The following NRXN1 variants were observed in gnomAD, a reference collection of about 807,000 sequenced individuals.
NRXN1 encodes the protein neurexin-1.
Under a neutral mutation model 150.9 loss-of-function variants are expected in NRXN1, and 39 were observed. The ratio of observed to expected loss-of-function variants is 0.26; its 90% CI spans 0.20 to 0.34. The LOEUF is 0.34. Among genes scored for constraint, NRXN1 ranks in the 10% least tolerant of loss-of-function variants. The pLI, the probability that NRXN1 is intolerant of heterozygous loss-of-function variation, is 1.00. For missense variants in NRXN1, 1,815 were observed against 1,949.9 expected, an observed-to-expected ratio of 0.93 and a Z score of 1.30; for synonymous variants, 924 against 757.0, an observed-to-expected ratio of 1.22 and a Z score of -3.62.
intron 15 of NRXN1, among the ~76,000 whole-genome samples, chr2:50,475,011 T>C (rs972071527): frequency 6.6e-6 from 1 of 152,012 alleles, no homozygotes; most frequent in Non-Finnish European, 1.5e-5. Flanking sequence ...GTTACATTTC[T>C]TGTACATCAG....
intron 12 of NRXN1, among the ~76,000 whole-genome samples, chr2:50,528,316 T>C (rs878888110): frequency 2.0e-5 from 3 of 152,106 alleles, no homozygotes; most frequent in Admixed American, 1.3e-4. Context: ...TATTTGGTTA[T>C]GAAGAGAACA....
intron 18 of NRXN1, among the ~76,000 whole-genome samples, chr2:50,111,738 A>G (rs1450134257): frequency 2.6e-5 from 4 of 152,192 alleles, no homozygotes; most frequent in African/African-American, 9.6e-5. Context: ...TTGAATATTT[A>G]AAAACAGTTA....
chr2:50,254,296 A>G (rs1245018671), intron 17 of NRXN1, among the ~76,000 whole-genome samples: 1 of 118,992 alleles, frequency 8.4e-6, no homozygotes, highest in African/African-American at 3.2e-5. Context: ...CAATTTGATT[A>G]TTTTCTCTTT....
At position 50,367,461 on chromosome 2, in the gene NRXN1, T is replaced by C. The variant is rs550432313; in HGVS notation, c.3364+97981A>G. ...TCCACTTAATTATCAATATATCAAATTATTTATTTATCTAGCAAATATTTA... is the reference window on the plus strand; with the variant it reads ...TCCACTTAATTATCAATATATCAAACTATTTATTTATCTAGCAAATATTTA... On this transcript the variant is annotated intron_variant, in intron 17 of 22. Coordinates refer to ENST00000401669, the MANE Select transcript of NRXN1 (RefSeq NM_001330078.2). Among the ~76,000 whole-genome samples, 21 of 152,106 alleles carry C rather than the reference T, an allele frequency of 1.4e-4. No individual in the cohort carries two copies. In the East Asian group the frequency reaches 4.1e-3, roughly 29 times the overall value.
At chr2:50,456,402 C>A (rs989611007) in intron 17 of NRXN1, among the ~76,000 whole-genome samples, 3 of 152,168 alleles carry the variant, frequency 2.0e-5, no homozygotes, top group Admixed American at 6.6e-5. Context: ...CACCTTTGTG[C>A]TTTATGCTGC....
At position 50,991,231 on chromosome 2, in the gene NRXN1, T is replaced by C. The variant is rs1366831736; in HGVS notation, c.772+36271A>G. On this transcript the variant is annotated intron_variant, in intron 2 of 22. Transcript: ENST00000401669. ...GTTCTTAGCTCACACATCTAATGAATATTATAATAAGACAAACCAAAATAT... is the reference window on the plus strand; with the variant it reads ...GTTCTTAGCTCACACATCTAATGAACATTATAATAAGACAAACCAAAATAT... Among the ~76,000 whole-genome samples, 2 of 152,030 alleles carry C rather than the reference T, an allele frequency of 1.3e-5. 1 individual carries two copies. Among genetic ancestry groups the C allele is most frequent in the Non-Finnish European group, 2.9e-5 (2 of 67,986 alleles).
rs1443428324 is a variant in NRXN1 at position 50,191,009 on chromosome 2, A to G, written c.3546+45780T>C. Reference sequence around the variant, plus strand: ...TCACAGAAAGTTGTGAAAATGTACCAGAAATTCTTGTGTGTCCTTCACTCA... The same window carrying G: ...TCACAGAAAGTTGTGAAAATGTACCGGAAATTCTTGTGTGTCCTTCACTCA... On this transcript the variant is annotated intron_variant, in intron 18 of 22. Coordinates refer to ENST00000401669, the MANE Select transcript of NRXN1 (RefSeq NM_001330078.2). 4.6e-5 allele frequency among the ~76,000 whole-genome samples: 7 copies of G among 152,058 alleles called. No individual in the cohort carries two copies. The East Asian group carries it at 1.4e-3, about 30-fold the overall frequency.
intron 5 of NRXN1, among the ~76,000 whole-genome samples, chr2:50,639,224 T>TTCTTTCTTTC (rs777137040): frequency 3.3e-5 from 1 of 30,492 alleles, no homozygotes; most frequent in Non-Finnish European, 7.6e-5. Flanking sequence ...CTTTCTTTCT[T>TTCTTTCTTTC]TTTTTTTTTT....
intron 17 of NRXN1, among the ~76,000 whole-genome samples, chr2:50,395,582 C>T (rs1370389519): frequency 6.6e-6 from 1 of 152,022 alleles, no homozygotes; most frequent in Admixed American, 6.6e-5. Context: ...TACGCAACTA[C>T]CATTTCCTTG....
chr2:51,008,444 T>G (rs577994409), intron 2 of NRXN1, among the ~76,000 whole-genome samples: 7 of 151,842 alleles, frequency 4.6e-5, no homozygotes, highest in Non-Finnish European at 1.0e-4. Context: ...CAGGAATTTG[T>G]TTTCCTAAAT....
chr2:50,259,111 A>T (rs1024761343), intron 17 of NRXN1, among the ~76,000 whole-genome samples: 12 of 151,970 alleles, frequency 7.9e-5, no homozygotes, highest in Non-Finnish European at 1.0e-4. Context: ...CCTAAAAGAG[A>T]GTCAGCCTGT....
At chr2:50,289,508 G>T (rs1336416073) in intron 17 of NRXN1, among the ~76,000 whole-genome samples, 1 of 152,042 alleles carries the variant, frequency 6.6e-6, no homozygotes, top group African/African-American at 2.4e-5. Flanking sequence ...GACAGAAAAG[G>T]TACCTTAATA....
At chr2:49,977,217 T>C (rs899909140) in intron 21 of NRXN1, among the ~76,000 whole-genome samples, 1 of 151,934 alleles carries the variant, frequency 6.6e-6, no homozygotes, top group Non-Finnish European at 1.5e-5. Flanking sequence ...AATTTAAGGG[T>C]TTTGGGGTTT....
At chr2:49,998,153 G>A (rs567305110) in intron 21 of NRXN1, among the ~76,000 whole-genome samples, 1 of 152,218 alleles carries the variant, frequency 6.6e-6, no homozygotes, top group East Asian at 1.9e-4. Context: ...TCAAAAATAT[G>A]AGTTAAGGGA....
chr2:50,454,380 G>A (rs938025678), intron 17 of NRXN1, among the ~76,000 whole-genome samples: 1 of 151,772 alleles, frequency 6.6e-6, no homozygotes, highest in African/African-American at 2.4e-5. Context: ...ACAAATCAGG[G>A]CTGCTGCAAT....
chr2:50,098,349 G>A (rs1700513757), intron 18 of NRXN1, among the ~76,000 whole-genome samples: 1 of 152,068 alleles, frequency 6.6e-6, no homozygotes, highest in Non-Finnish European at 1.5e-5. Flanking sequence ...TGAGGGAGTG[G>A]TGGGGAAAAG....
chr2:50,585,388 G>A (rs939095281), intron 8 of NRXN1, among the ~76,000 whole-genome samples: 2 of 152,140 alleles, frequency 1.3e-5, no homozygotes, highest in Admixed American at 6.5e-5. Context: ...AATATGTGGT[G>A]TTGTTTAATG....
chr2:50,036,054 A>G (rs571422949), intron 21 of NRXN1, among the ~76,000 whole-genome samples: 2 of 152,158 alleles, frequency 1.3e-5, no homozygotes, highest in Non-Finnish European at 2.9e-5. Flanking sequence ...GAAAATGCGC[A>G]GAATAGAAAT....
At chr2:50,685,872 T>C (rs1244604464) in intron 5 of NRXN1, among the ~76,000 whole-genome samples, 1 of 152,126 alleles carries the variant, frequency 6.6e-6, no homozygotes, top group African/African-American at 2.4e-5. Flanking sequence ...GTTTCCAATA[T>C]CATCAGAGCC....
Sources: allele counts gnomAD v4.1 joint callset (sites outside exome capture counted in the v4.1 genomes callset), GRCh38; gene constraint gnomAD v4.1.1; transcripts MANE v1.5; gene names NCBI Gene and HGNC (gene_info 2026-07-23, HGNC 2026-07-21).